Variants in CDH13 observed in about 807,000 individuals in gnomAD.
CDH13 encodes cadherin-13.
A neutral mutation model predicts 63.8 loss-of-function variants in CDH13; 24 were observed. The observed-to-expected ratio is 0.38, with a 90% CI of 0.27 to 0.53. CDH13 has a LOEUF of 0.53. CDH13 is among the 20% of genes least tolerant of loss of function. The pLI is 0.85. For synonymous variants in CDH13, 503 were observed against 355.3 expected, an observed-to-expected ratio of 1.42 and a Z score of -4.67; for missense variants, 1,049 against 903.1, an observed-to-expected ratio of 1.16 and a Z score of -2.07.
chr16:82,768,816 C>G (rs1211656075), intron 1 of CDH13, among the ~76,000 whole-genome samples: 2 of 152,336 alleles, frequency 1.3e-5, no homozygotes, highest in Middle Eastern at 6.8e-3. Context: ...AATACTTACT[C>G]TGATTCAGCC....
chr16:82,995,858 T>G (rs1251798744), intron 2 of CDH13, among the ~76,000 whole-genome samples: 1 of 151,832 alleles, frequency 6.6e-6, no homozygotes, highest in Non-Finnish European at 1.5e-5. Context: ...CGCGGGCTGC[T>G]GGGGAATCGA....
intron 7 of CDH13, among the ~76,000 whole-genome samples, chr16:83,505,391 C>G (rs2074372018): frequency 6.6e-6 from 1 of 152,130 alleles, no homozygotes; most frequent in Non-Finnish European, 1.5e-5. Flanking sequence ...CATGCAGATT[C>G]CTCCCCCAGG....
chr16:83,359,177 A>G (rs913636846), intron 6 of CDH13, among the ~76,000 whole-genome samples: 1 of 152,134 alleles, frequency 6.6e-6, no homozygotes, highest in African/African-American at 2.4e-5. Context: ...GTACAGCACA[A>G]GGGTTGAGAT....
intron 5 of CDH13, among the ~76,000 whole-genome samples, chr16:83,304,630 A>G (rs2089830924): frequency 6.6e-6 from 1 of 152,224 alleles, no homozygotes; most frequent in Non-Finnish European, 1.5e-5. Context: ...GTTTTAATAA[A>G]TGCCCATTGG....
intron 1 of CDH13, among the ~76,000 whole-genome samples, chr16:82,681,178 C>T (rs992055234): frequency 3.3e-5 from 5 of 152,164 alleles, no homozygotes; most frequent in African/African-American, 9.7e-5. Flanking sequence ...TATTATTCAG[C>T]CAGAAGAAGG....
intron 10 of CDH13, among the ~76,000 whole-genome samples, chr16:83,729,268 G>A (rs917569787): frequency 1.3e-5 from 2 of 151,998 alleles, no homozygotes; most frequent in East Asian, 1.9e-4. Flanking sequence ...GATAAGACAT[G>A]CATATTATAC....
chr16:83,029,242 A>G (rs1328685854), intron 2 of CDH13, among the ~76,000 whole-genome samples: 2 of 152,208 alleles, frequency 1.3e-5, no homozygotes, highest in Non-Finnish European at 2.9e-5. Context: ...TCAGATATTT[A>G]TATGGCTTTC....
At chr16:82,934,121 C>T (rs1261229723) in intron 2 of CDH13, among the ~76,000 whole-genome samples, 1 of 152,234 alleles carries the variant, frequency 6.6e-6, no homozygotes, top group Non-Finnish European at 1.5e-5. Context: ...TCTGCACTTC[C>T]CTAGCAGAGG....
intron 1 of CDH13, among the ~76,000 whole-genome samples, chr16:82,853,480 T>G (rs1388969871): frequency 6.6e-6 from 1 of 152,214 alleles, no homozygotes; most frequent in African/African-American, 2.4e-5. Flanking sequence ...TTTACAATAA[T>G]TAACTCACTT....
At chr16:83,055,259 G>A (rs2030797207) in intron 3 of CDH13, among the ~76,000 whole-genome samples, 1 of 151,284 alleles carries the variant, frequency 6.6e-6, no homozygotes, top group African/African-American at 2.4e-5. Flanking sequence ...AAAATGGAGG[G>A]AAGGAAATAA....
At chr16:82,801,930 A>T (rs1411641524) in intron 1 of CDH13, among the ~76,000 whole-genome samples, 1 of 152,218 alleles carries the variant, frequency 6.6e-6, no homozygotes, top group African/African-American at 2.4e-5. Context: ...GTGATGCAGG[A>T]AACTACAGTA....
chr16:83,214,749 G>C (rs1244126624), intron 4 of CDH13, among the ~76,000 whole-genome samples: 1 of 152,050 alleles, frequency 6.6e-6, no homozygotes, highest in Non-Finnish European at 1.5e-5. Flanking sequence ...GTACTTTATA[G>C]ATGCCATCTC....
chr16:83,553,754 A>G (rs1364196540), intron 7 of CDH13, among the ~76,000 whole-genome samples: 1 of 152,150 alleles, frequency 6.6e-6, no homozygotes, highest in Admixed American at 6.5e-5. Flanking sequence ...ATGGGGTTTC[A>G]TAATGTTGGC....
Position 83,677,714 on chromosome 16 carries a change from G to A in CDH13, c.1285-494G>A, listed in dbSNP as rs117223224. ...CCATTTGATCCACTGTGATCACAGA[G>A]GCAGGGTTATCTTGCTATAAAGCTA... On this transcript the variant is annotated intron_variant, in intron 9 of 13. Coordinates refer to ENST00000567109, the MANE Select transcript of CDH13 (RefSeq NM_001257.5). Among the ~76,000 whole-genome samples, 59 of 152,264 alleles carry A rather than the reference G, an allele frequency of 3.9e-4. 1 individual carries two copies. In the East Asian group the frequency reaches 8.1e-3, roughly 21 times the overall value.
At position 83,087,974 on chromosome 16, in the gene CDH13, C is replaced by A. The variant is rs569657880; in HGVS notation, c.367-37411C>A. On this transcript the variant is annotated intron_variant, in intron 3 of 13. Transcript: ENST00000567109. ...GGAATAGGCCTCATGCTTGGGACTG[C>A]CTCCGTCAGTGTGCAGCCTTCAGCG... Among the ~76,000 whole-genome samples, 8 of 152,248 alleles carry A rather than the reference C, an allele frequency of 5.3e-5. No homozygotes were observed. In the South Asian group the frequency reaches 1.7e-3, roughly 32 times the overall value.
At chr16:83,764,964 C>G (rs2150990857) in intron 11 of CDH13, among the ~76,000 whole-genome samples, 1 of 152,332 alleles carries the variant, frequency 6.6e-6, no homozygotes, top group South Asian at 2.1e-4. Flanking sequence ...CCACTTCGTC[C>G]CCCTACAACA....
chr16:83,509,995 T>A (rs1456915071), intron 7 of CDH13, among the ~76,000 whole-genome samples: 1 of 152,204 alleles, frequency 6.6e-6, no homozygotes. Flanking sequence ...CTTGTGTCTA[T>A]CATTAGCCCT....
At chr16:82,632,576 C>T (rs1404021602) in intron 1 of CDH13, among the ~76,000 whole-genome samples, 2 of 152,102 alleles carry the variant, frequency 1.3e-5, no homozygotes, top group African/African-American at 4.8e-5. Context: ...TGTCATCACG[C>T]ACCAGCAGCC....
intron 1 of CDH13, among the ~76,000 whole-genome samples, chr16:82,821,455 CCTTG>C (rs1414332746): frequency 6.6e-6 from 1 of 152,162 alleles, no homozygotes; most frequent in African/African-American, 2.4e-5. Context: ...CTCTGTGGGG[CCTTG>C]CAAGTCTGGC....
Sources: allele counts gnomAD v4.1 joint callset (sites outside exome capture counted in the v4.1 genomes callset), GRCh38; gene constraint gnomAD v4.1.1; transcripts MANE v1.5; gene names NCBI Gene and HGNC (gene_info 2026-07-23, HGNC 2026-07-21).